Variants in ATF7IP2 observed in about 807,000 individuals in gnomAD.
ATF7IP2 encodes the protein activating transcription factor 7-interacting protein 2.
In ATF7IP2, 42 loss-of-function variants were observed where a neutral mutation model predicts 64.2. The ratio of observed to expected loss-of-function variants is 0.65; its 90% CI spans 0.51 to 0.85. The LOEUF (loss-of-function observed/expected upper bound fraction) is 0.85, where lower values mean the gene tolerates loss of function less well. Among genes scored for constraint, ATF7IP2 ranks in the 40% least tolerant of loss-of-function variants. The probability of loss-of-function intolerance (pLI) is 0.00; values close to 1 mark genes in which losing one functional copy is unlikely to be tolerated. For synonymous variants in ATF7IP2, 308 were observed against 272.8 expected (o/e 1.13, Z -1.27); for missense variants, 933 against 784.2 (o/e 1.19, Z -2.27).
At chr16:10,447,198 T>C (rs1304241346) in intron 8 of ATF7IP2, 1 of 152,380 alleles carries the variant, frequency 6.6e-6, no homozygotes, top group African/African-American at 2.4e-5. Context: ...AAGGAAGCAC[T>C]TCACCACCCC....
chr16:10,448,168 ACTGTAGC>A (rs1257389669), intron 8 of ATF7IP2: 6 of 152,186 alleles, frequency 3.9e-5, no homozygotes, highest in African/African-American at 1.4e-4. Flanking sequence ...TGTTTTGGTT[ACTGTAGC>A]CTTGTAATAT....
chr16:10,401,226 G>T (rs930809029), intron 1 of ATF7IP2, among the ~76,000 whole-genome samples: 1 of 152,060 alleles, frequency 6.6e-6, no homozygotes, highest in Admixed American at 6.6e-5. Flanking sequence ...GCAGTGCAGT[G>T]GTGTGATCTC....
chr16:10,406,223 C>T (rs964356033), intron 1 of ATF7IP2, among the ~76,000 whole-genome samples: 2 of 152,208 alleles, frequency 1.3e-5, no homozygotes, highest in Non-Finnish European at 2.9e-5. Flanking sequence ...CCTGCCATCT[C>T]AGCCTCTCGA....
intron 9 of ATF7IP2, among the ~76,000 whole-genome samples, chr16:10,462,734 T>G (rs886304670): frequency 1.5e-4 from 23 of 152,174 alleles, no homozygotes; most frequent in African/African-American, 5.5e-4. Flanking sequence ...ATCTATGGCT[T>G]GATACCTTTC....
Position 10,463,581 on chromosome 16 carries a change from T to G in ATF7IP2, c.1352+6052T>G, listed in dbSNP as rs563463856. On this transcript the variant is annotated intron_variant, in intron 9 of 13. Coordinates refer to ENST00000562102, the MANE Select transcript of ATF7IP2 (RefSeq NM_001393719.1). The stretch of plus-strand genomic sequence containing the variant: ...GCTATGTGAACAAGCCGTTTTAGGC[T>G]CTGACCCCCAGCCCTGGTCAGACCT... 2.4e-4 allele frequency among the ~76,000 whole-genome samples: 36 copies of G among 152,270 alleles called. No individual in the cohort carries two copies. The Middle Eastern group carries it at 0.014, about 58-fold the overall frequency.
At chr16:10,476,484 T>C (rs2050012100) in intron 12 of ATF7IP2, among the ~76,000 whole-genome samples, 1 of 122,582 alleles carries the variant, frequency 8.2e-6, no homozygotes, top group African/African-American at 5.0e-5. Flanking sequence ...CTCTCCCCAG[T>C]TGTGTGTGTG....
chr16:10,433,534 A>G lies in ATF7IP2; in HGVS notation c.845A>G (p.Gln282Arg). 1 of 1,612,684 alleles carries G rather than the reference A, an allele frequency of 6.2e-7. No homozygotes were observed. The highest frequency in any genetic ancestry group is 2.2e-5 in the East Asian group (1 of 44,844). The change falls in exon 6 of 14, where the codon CAA becomes CGA. Residue 282 changes from glutamine to arginine, a missense_variant. Physicochemically the swap from Gln to Arg is conservative, Grantham distance 43. Transcript: ENST00000562102. ...SLDTNNNSHY[Q>R]KKRMFSENEE... The stretch of plus-strand genomic sequence containing the variant: ...TTTTGATCTCCTCAAGGCCATTATC[A>G]AAAGAAGAGGATGTTTTCAGAAAAC...
At chr16:10,449,950 G>A (rs1261691106) in intron 8 of ATF7IP2, among the ~76,000 whole-genome samples, 1 of 152,000 alleles carries the variant, frequency 6.6e-6, no homozygotes, top group Admixed American at 6.6e-5. Flanking sequence ...CCGCTTGTGG[G>A]CATTTAGTGC....
At chr16:10,424,173 C>T (rs181805372) in intron 3 of ATF7IP2, among the ~76,000 whole-genome samples, 1 of 152,366 alleles carries the variant, frequency 6.6e-6, no homozygotes, top group East Asian at 1.9e-4. Flanking sequence ...AAGGGGTTTT[C>T]TGCCCTGGGT....
Position 10,481,301 on chromosome 16 carries a change from G to A in ATF7IP2, c.1635+337G>A, listed in dbSNP as rs1390725414. Reference sequence around the variant, plus strand: ...GCTATAGTGCGGTGGCATGATCTCGGCTCACTGCAACCTCCACCTCCTGGG... The same window carrying A: ...GCTATAGTGCGGTGGCATGATCTCGACTCACTGCAACCTCCACCTCCTGGG... On this transcript the variant is annotated intron_variant, in intron 13 of 13. Transcript: ENST00000562102. 2.6e-5 allele frequency among the ~76,000 whole-genome samples: 4 copies of A among 152,112 alleles called. No homozygotes were observed. In the South Asian group the frequency reaches 6.2e-4, roughly 24 times the overall value.
intron 1 of ATF7IP2, among the ~76,000 whole-genome samples, chr16:10,396,838 T>A (rs983350088): frequency 2.6e-5 from 4 of 151,740 alleles, no homozygotes; most frequent in East Asian, 1.9e-4. Flanking sequence ...ATTTTTTTTT[T>A]AAGATTTTTG....
chr16:10,473,999 T>A lies in ATF7IP2; in HGVS notation c.1549+10T>A, dbSNP rs1164068734. The A allele has an allele frequency of 1.9e-6, 3 of 1,555,234 alleles. No individual in the cohort carries two copies. The East Asian group carries it at 6.8e-5, about 35-fold the overall frequency. ...TCCAACTGCAATACAGGTAAAAGGA[T>A]TTTTTAGATCTTTCTTTTGTAAAAA... On this transcript the variant is annotated intron_variant, in intron 12 of 13. Transcript: ENST00000562102.
intron 3 of ATF7IP2, among the ~76,000 whole-genome samples, chr16:10,424,685 A>C (rs1415567577): frequency 6.6e-6 from 1 of 152,226 alleles, no homozygotes; most frequent in Non-Finnish European, 1.5e-5. Flanking sequence ...AAGAATCTGC[A>C]TAGACATTTA....
intron 1 of ATF7IP2, among the ~76,000 whole-genome samples, chr16:10,395,483 T>C (rs763312189): frequency 6.6e-6 from 1 of 152,096 alleles, no homozygotes; most frequent in Non-Finnish European, 1.5e-5. Context: ...ACCCCAATAC[T>C]ATAGGAAAAG....
intron 9 of ATF7IP2, among the ~76,000 whole-genome samples, chr16:10,466,458 C>G (rs1221256719): frequency 5.9e-5 from 9 of 151,990 alleles, no homozygotes; most frequent in Admixed American, 6.6e-5. Context: ...ACCAGTTTAC[C>G]AAAGAAGTTG....
chr16:10,440,837 G>C (rs758230234), intron 8 of ATF7IP2, among the ~76,000 whole-genome samples: 1 of 152,132 alleles, frequency 6.6e-6, no homozygotes, highest in Non-Finnish European at 1.5e-5. Context: ...TGTCATGGTG[G>C]TTTGTCAGAC....
intron 1 of ATF7IP2, among the ~76,000 whole-genome samples, chr16:10,399,449 C>G (rs2047484069): frequency 6.6e-6 from 1 of 152,234 alleles, no homozygotes; most frequent in East Asian, 1.9e-4. Flanking sequence ...AGTATGTGTC[C>G]TTTCTGCAGC....
rs140459444 is a variant in ATF7IP2, at chr16:10,414,627, T to TTGTGTGTGTGTGTGTG, written c.-203+35_-203+50dup. ...ATCCACTGCTGGTGAGCTAGTGTGA[T>TTGTGTGTGTGTGTGTG]TGTGTGTGTGTGTGTGTGTGTGTGT... On this transcript the variant is annotated intron_variant, in intron 2 of 13. Transcript: ENST00000562102. The TTGTGTGTGTGTGTGTG allele has an allele frequency of 1.1e-5, 1 of 94,782 alleles. No homozygotes were observed. The highest frequency in any genetic ancestry group is 5.2e-5 in the African/African-American group (1 of 19,226). The allele number at this position is 94,782 out of a possible 1,614,324, so 5.9% of individuals were successfully genotyped here. A position where few individuals can be genotyped will look rare whatever the true frequency, so the allele number is the denominator to read the frequency against.
rs1333766516 is a variant in ATF7IP2, at chr16:10,407,193, C to T, written c.-241-7381C>T. 2.0e-5 allele frequency among the ~76,000 whole-genome samples: 3 copies of T among 152,106 alleles called. No individual in the cohort carries two copies. In the South Asian group the frequency reaches 6.2e-4, roughly 32 times the overall value. ...TTCAACTTCCCTACATGATAAAAAC[C>T]CTCAAGAAACTGGGTATAGAAGGAA... On this transcript the variant is annotated intron_variant, in intron 1 of 13. Transcript: ENST00000562102.
Sources: gnomAD v4.1 joint callset for allele counts (sites outside exome capture counted in the v4.1 genomes callset) on GRCh38, gnomAD v4.1.1 for gene constraint, MANE v1.5 for transcripts, NCBI Gene and HGNC (gene_info 2026-07-23, HGNC 2026-07-21) for gene names.